CECR2: variants seen among roughly 807,000 people sequenced by gnomAD.
CECR2 encodes the protein chromatin remodeling regulator CECR2.
A neutral mutation model predicts 154.5 loss-of-function variants in CECR2; 30 were observed. The observed-to-expected ratio is 0.19, with a 90% CI of 0.15 to 0.26. The LOEUF is 0.26. CECR2 is among the 10% of genes least tolerant of loss of function. The probability of loss-of-function intolerance (pLI) is 1.00; values close to 1 mark genes in which losing one functional copy is unlikely to be tolerated. For synonymous variants in CECR2, 725 were observed against 683.7 expected, an observed-to-expected ratio of 1.06 and a Z score of -0.94; for missense variants, 1,743 against 1,829.3, an observed-to-expected ratio of 0.95 and a Z score of 0.86.
At chr22:17,486,811 A>G (rs2518768) in intron 2 of CECR2, among the ~76,000 whole-genome samples, 46,818 of 152,150 alleles carry the variant, frequency 0.31, 8,679 homozygotes, top group African/African-American at 0.53. Context: ...GGGAGAAGAC[A>G]GAAGGTATGA....
rs146370470 is a variant in CECR2, at chr22:17,532,804, G to A, written c.1109-4299G>A. On this transcript the variant is annotated intron_variant, in intron 9 of 18. Transcript: ENST00000262608. ...GCGATCTCGGCTCACTGCAACTTCC[G>A]CCTCCCGGGTTCAAATAATTCTCCT... Among the ~76,000 whole-genome samples, 563 of 122,772 alleles carry A rather than the reference G, an allele frequency of 4.6e-3. 3 individuals are homozygous for A. Among genetic ancestry groups the A allele is most frequent in the African/African-American group, 0.016 (524 of 32,052 alleles). 80.5% of individuals were successfully genotyped at this position (122,772 alleles called of 152,430 possible).
intron 1 of CECR2, among the ~76,000 whole-genome samples, chr22:17,476,920 G>A (rs2522296): frequency 6.6e-6 from 1 of 152,096 alleles, no homozygotes; most frequent in African/African-American, 2.4e-5. Context: ...CCAAACAATT[G>A]CTTGTTGGAA....
At chr22:17,388,168 G>A (rs1297326613) in intron 1 of CECR2, among the ~76,000 whole-genome samples, 1 of 152,066 alleles carries the variant, frequency 6.6e-6, no homozygotes, top group Non-Finnish European at 1.5e-5. Flanking sequence ...TGGCCAGGCT[G>A]GTCTCAAACT....
At position 17,419,397 on chromosome 22, in the gene CECR2, G is replaced by C. The variant is rs185346336; in HGVS notation, c.126+49488G>C. The C allele has an allele frequency of 1.1e-3, 203 of 180,138 alleles. 2 individuals are homozygous for C. Among genetic ancestry groups the C allele is most frequent in the African/African-American group, 4.4e-3 (187 of 42,130 alleles). The allele number at this position is 180,138 out of a possible 1,614,324, so 11.2% of individuals were successfully genotyped here. On this transcript the variant is annotated intron_variant, in intron 1 of 18. Transcript: ENST00000262608. The stretch of plus-strand genomic sequence containing the variant: ...CAGAAGCCACCTGGGGATTGGAGGA[G>C]GTTGTGGTGGATGAGAGCCCTGATT...
intron 8 of CECR2, among the ~76,000 whole-genome samples, chr22:17,520,329 T>C (rs1014830309): frequency 6.6e-6 from 1 of 152,208 alleles, no homozygotes; most frequent in South Asian, 2.1e-4. Context: ...TCCTCTCATT[T>C]TGGGGTCTGA....
chr22:17,448,224 A>G (rs5746389), intron 1 of CECR2, among the ~76,000 whole-genome samples: 45,516 of 152,040 alleles, frequency 0.3, 9,774 homozygotes, highest in African/African-American at 0.58. Flanking sequence ...TGTACTACAC[A>G]TCCATGACTA....
intron 1 of CECR2, among the ~76,000 whole-genome samples, chr22:17,429,025 A>G (rs2054377962): frequency 6.6e-6 from 1 of 152,132 alleles, no homozygotes; most frequent in African/African-American, 2.4e-5. Context: ...TCCAGTGCTC[A>G]GATAACTGCC....
At chr22:17,540,347 C>T in intron 13 of CECR2, 65 bp from the exon 14 acceptor site, 1 of 1,365,576 alleles carries the variant, frequency 7.3e-7, no homozygotes, top group South Asian at 1.8e-5. Flanking sequence ...TTTCTATAAA[C>T]TATAGTTTCT....
intron 2 of CECR2, 134 bp downstream of exon 2, chr22:17,477,816 A>G (rs1042383356): frequency 9.2e-6 from 6 of 652,194 alleles, no homozygotes; most frequent in Admixed American, 2.4e-5. Context: ...TGGAGGACGT[A>G]CACGTAAATT....
chr22:17,432,318 T>C (rs2054437790), intron 1 of CECR2, among the ~76,000 whole-genome samples: 1 of 152,272 alleles, frequency 6.6e-6, no homozygotes, highest in African/African-American at 2.4e-5. Context: ...ATTCCTTTAT[T>C]GCCAGATACC....
At chr22:17,415,354 T>C (rs2054141364) in intron 1 of CECR2, among the ~76,000 whole-genome samples, 1 of 152,126 alleles carries the variant, frequency 6.6e-6, no homozygotes, top group African/African-American at 2.4e-5. Flanking sequence ...CCTTCCACCT[T>C]AGCCTCCCAA....
intron 1 of CECR2, among the ~76,000 whole-genome samples, chr22:17,391,016 A>G (rs767409989): frequency 1.5e-4 from 23 of 152,202 alleles, no homozygotes; most frequent in African/African-American, 2.4e-4. Flanking sequence ...AGATGTACCA[A>G]TTGTTAACAC....
At chr22:17,370,290 C>G (rs1266452850) in intron 1 of CECR2, among the ~76,000 whole-genome samples, 2,291 of 142,728 alleles carry the variant, frequency 0.016, 85 homozygotes, top group African/African-American at 0.058. Context: ...CATTGAGGCG[C>G]GAGCCAGCTG....
At chr22:17,526,093 ACAGATTCAATG>A (rs2056259365) in intron 9 of CECR2, among the ~76,000 whole-genome samples, 1 of 152,222 alleles carries the variant, frequency 6.6e-6, no homozygotes, top group Non-Finnish European at 1.5e-5. Context: ...AAAGTAATCT[ACAGATTCAATG>A]CAATGTCTAC....
intron 1 of CECR2, among the ~76,000 whole-genome samples, chr22:17,426,963 C>G (rs1247594475): frequency 2.0e-5 from 3 of 151,876 alleles, no homozygotes; most frequent in Admixed American, 2.0e-4. Flanking sequence ...TTTGCTGCAC[C>G]CATCATCATT....
chr22:17,473,851 A>C (rs2055167225), intron 1 of CECR2, among the ~76,000 whole-genome samples: 1 of 152,232 alleles, frequency 6.6e-6, no homozygotes, highest in African/African-American at 2.4e-5. Context: ...CATACCCATT[A>C]AAATAATGGG....
In CECR2 at chr22:17,557,484, C is replaced by T. The variant is rs947766228; in HGVS notation, c.*4644C>T. The stretch of plus-strand genomic sequence containing the variant: ...AAATTAAGCTGGGACACAAGTTTTG[C>T]CTCCAGGCTGGATGTTGATCCTGCT... On this transcript the variant is annotated 3_prime_UTR_variant, in exon 19 of 19. Transcript: ENST00000262608. 5 of 152,182 alleles carry T rather than the reference C, an allele frequency of 3.3e-5. No individual in the cohort carries two copies. Among genetic ancestry groups the T allele is most frequent in the African/African-American group, 1.2e-4 (5 of 41,424 alleles). The allele number at this position is 152,182 out of a possible 1,614,324, so 9.4% of individuals were successfully genotyped here.
intron 1 of CECR2, among the ~76,000 whole-genome samples, chr22:17,373,023 C>A (rs1427208862): frequency 6.6e-6 from 1 of 152,126 alleles, no homozygotes; most frequent in Non-Finnish European, 1.5e-5. Flanking sequence ...AGAAAACTGT[C>A]CCCAAAACGT....
chr22:17,498,322 C>T (rs537796008), intron 3 of CECR2, among the ~76,000 whole-genome samples: 222 of 151,274 alleles, frequency 1.5e-3, no homozygotes, highest in Non-Finnish European at 2.5e-3. Context: ...ACCCGGGAGG[C>T]GGAGCTTGCA....
Sources: gnomAD v4.1 joint callset for allele counts (sites outside exome capture counted in the v4.1 genomes callset) on GRCh38, gnomAD v4.1.1 for gene constraint, MANE v1.5 for transcripts, NCBI Gene and HGNC (gene_info 2026-07-23, HGNC 2026-07-21) for gene names.